PACS2: variants seen among roughly 807,000 people sequenced by gnomAD.
PACS2 encodes the protein phosphofurin acidic cluster sorting protein 2, also known as PACS1-like protein.
PACS2 carries 36 observed loss-of-function variants against 113.0 expected under a neutral mutation model. That is an observed-to-expected ratio of 0.32 (90% CI 0.24 to 0.42). The LOEUF is 0.42. Among genes scored for constraint, PACS2 ranks in the 10% least tolerant of loss-of-function variants. The pLI, the probability that PACS2 is intolerant of heterozygous loss-of-function variation, is 1.00. For synonymous variants in PACS2, 589 were observed against 536.1 expected (o/e 1.10, Z -1.36); for missense variants, 1,015 against 1,239.5 (o/e 0.82, Z 2.72).
chr14:105,394,467 C>T, intron 24 of PACS2, 87 bp from the exon 25 acceptor site: 1 of 1,585,374 alleles, frequency 6.3e-7, no homozygotes, highest in Non-Finnish European at 8.6e-7. Flanking sequence ...GCCCGGCTGC[C>T]ACCCAGCCTG....
chr14:105,338,310 C>G (rs1416220398), intron 1 of PACS2, among the ~76,000 whole-genome samples: 1 of 152,206 alleles, frequency 6.6e-6, no homozygotes, highest in African/African-American at 2.4e-5. Context: ...TCAGGTTTCT[C>G]TGACCTTCCT....
intron 7 of PACS2, among the ~76,000 whole-genome samples, chr14:105,368,992 C>T (rs1378701611): frequency 6.6e-6 from 1 of 152,244 alleles, no homozygotes; most frequent in Non-Finnish European, 1.5e-5. Flanking sequence ...GCAGCTCTTT[C>T]CTCAGAGGCC....
chr14:105,356,375 G>A lies in PACS2; in HGVS notation c.423+1198G>A, dbSNP rs2060447968. ...CCTCGCTTCTCCGTGCCGCCGCAGG[G>A]CCTCAGACAAGCTTTGCAGTCTTCC... On this transcript the variant is annotated intron_variant, in intron 4 of 24. Coordinates refer to ENST00000447393, the MANE Select transcript of PACS2 (RefSeq NM_001100913.3). The surrounding 1 kb of genome is among the most constrained non-coding windows in gnomAD (Gnocchi z 4.0). Among the ~76,000 whole-genome samples, 1 of 152,190 alleles carries A rather than the reference G, an allele frequency of 6.6e-6. No homozygotes were observed. Among genetic ancestry groups the A allele is most frequent in the South Asian group, 2.1e-4 (1 of 4,834 alleles).
chr14:105,344,934 C>G (rs587743137), intron 1 of PACS2, among the ~76,000 whole-genome samples: 5 of 151,730 alleles, frequency 3.3e-5, no homozygotes, highest in Non-Finnish European at 7.4e-5. Flanking sequence ...ATGGTGAAAT[C>G]GTGTCTCCAC....
chr14:105,302,558 G>A (rs1386224611), intron 1 of PACS2, among the ~76,000 whole-genome samples: 2 of 151,356 alleles, frequency 1.3e-5, no homozygotes, highest in African/African-American at 2.4e-5. Context: ...CACTTAATTT[G>A]GTTCAATGTG....
At position 105,329,082 on chromosome 14, in the gene PACS2, G is replaced by A. The variant is rs186741923; in HGVS notation, c.119+14045G>A. On this transcript the variant is annotated intron_variant, in intron 1 of 24. Transcript: ENST00000447393. The surrounding 1 kb of genome is among the most constrained non-coding windows in gnomAD (Gnocchi z 6.4). ...GTGCTGGGAGTGAGATTAGAGGGAG[G>A]ACTCCCTGGAGGCTGGCCCTGCGCC... Among the ~76,000 whole-genome samples, 75 of 152,328 alleles carry A rather than the reference G, an allele frequency of 4.9e-4. No homozygotes were observed. The highest frequency in any genetic ancestry group is 1.7e-3 in the African/African-American group (72 of 41,564).
chr14:105,351,546 G>T (rs782035804), intron 2 of PACS2, among the ~76,000 whole-genome samples: 1 of 152,140 alleles, frequency 6.6e-6, no homozygotes, highest in Non-Finnish European at 1.5e-5. Context: ...CTTCTTTTTA[G>T]AAAATGCTTT....
In PACS2 at chr14:105,357,046, G is replaced by A. The variant is rs1444496567; in HGVS notation, c.423+1869G>A. Among the ~76,000 whole-genome samples the A allele has an allele frequency of 6.6e-6, 1 of 152,152 alleles. No homozygotes were observed. The highest frequency in any genetic ancestry group is 1.5e-5 in the Non-Finnish European group (1 of 68,014). ...AGGTGATGTCCTGCTGATCCCTGCC[G>A]GTCCCTGTGAGCTCCTGCCCCAGGC... is the stretch of plus-strand genomic sequence containing the variant. On this transcript the variant is annotated intron_variant, in intron 4 of 24. Transcript: ENST00000447393. This position sits in a 1 kb window ranked among gnomAD's most constrained non-coding sequence, Gnocchi z 5.1.
rs2081548927 is a variant in PACS2 at position 105,397,040 on chromosome 14, A to T, written c.*2368A>T. 6.6e-6 allele frequency: 1 copy of T among 152,246 alleles called. No individual in the cohort carries two copies. Among genetic ancestry groups the T allele is most frequent in the Non-Finnish European group, 1.5e-5 (1 of 68,084 alleles). The allele number at this position is 152,246 out of a possible 1,614,324, so 9.4% of individuals were successfully genotyped here. ...AGGGGAGAACATGGGCAGAGTCTCC[A>T]TCCAGCAGCTGGGGGTTCTGGTGGC... On this transcript the variant is annotated 3_prime_UTR_variant, in exon 25 of 25. Transcript: ENST00000447393.
Position 105,367,388 on chromosome 14 carries a change from C to A in PACS2, c.586+13C>A, listed in dbSNP as rs1555408222. On this transcript the variant is annotated intron_variant, in intron 5 of 24. Transcript: ENST00000447393. The stretch of plus-strand genomic sequence containing the variant: ...GCCAAGTCCACGGGTGAGTGTGGTG[C>A]CAGCCCGCTCCTGCCCCTGCTGTGG... 6.2e-7 allele frequency: 1 copy of A among 1,609,740 alleles called. No homozygotes were observed. Among genetic ancestry groups the A allele is most frequent in the Admixed American group, 1.7e-5 (1 of 59,970 alleles).
In PACS2 at chr14:105,355,525, G is replaced by A. The variant is rs1373031471; in HGVS notation, c.423+348G>A. Among the ~76,000 whole-genome samples, 3 of 152,230 alleles carry A rather than the reference G, an allele frequency of 2.0e-5. No individual in the cohort carries two copies. The highest frequency in any genetic ancestry group is 4.4e-5 in the Non-Finnish European group (3 of 68,042). On this transcript the variant is annotated intron_variant, in intron 4 of 24. Coordinates refer to ENST00000447393, the MANE Select transcript of PACS2 (RefSeq NM_001100913.3). This position sits in a 1 kb window ranked among gnomAD's most constrained non-coding sequence, Gnocchi z 4.1. ...AATCGCTGCTGTCCCCACACCACGGGTGCGTCCTGTGATGGGTTCGTGTCT... is the reference window on the plus strand; with the variant it reads ...AATCGCTGCTGTCCCCACACCACGGATGCGTCCTGTGATGGGTTCGTGTCT...
At chr14:105,364,895 G>A (rs904868188) in intron 4 of PACS2, among the ~76,000 whole-genome samples, 2 of 151,860 alleles carry the variant, frequency 1.3e-5, no homozygotes, top group East Asian at 1.9e-4. Flanking sequence ...TAAGAGTTTC[G>A]CCATGTTGCC....
intron 1 of PACS2, among the ~76,000 whole-genome samples, chr14:105,332,201 C>A (rs774957143): frequency 1.6e-4 from 24 of 152,160 alleles, no homozygotes; most frequent in Non-Finnish European, 3.5e-4. Context: ...CAGTCACTGT[C>A]CTGTGCCTTG....
At chr14:105,345,446 A>T (rs1338963425) in intron 1 of PACS2, among the ~76,000 whole-genome samples, 1 of 152,196 alleles carries the variant, frequency 6.6e-6, no homozygotes, top group South Asian at 2.1e-4. Flanking sequence ...GTGTATTTGA[A>T]TCTTTTTTCT....
Position 105,354,258 on chromosome 14 carries a change from G to T in PACS2, c.298-794G>T, listed in dbSNP as rs183018137. On this transcript the variant is annotated intron_variant, in intron 3 of 24. Transcript: ENST00000447393. This position sits in a 1 kb window ranked among gnomAD's most constrained non-coding sequence, Gnocchi z 4.2. ...GAACCCAGGAGGTGGAGGTGACAGT[G>T]AGCCCGGCTAATTTTTGTATTTTTG... Among the ~76,000 whole-genome samples the T allele has an allele frequency of 5.0e-4, 76 of 152,244 alleles. No homozygotes were observed. The highest frequency in any genetic ancestry group is 1.7e-3 in the African/African-American group (71 of 41,560).
rs587629507 is a variant in PACS2, at chr14:105,324,644, C to G, written c.119+9607C>G. Among the ~76,000 whole-genome samples, 1 of 152,320 alleles carries G rather than the reference C, an allele frequency of 6.6e-6. No individual in the cohort carries two copies. Among genetic ancestry groups the G allele is most frequent in the Admixed American group, 6.5e-5 (1 of 15,310 alleles). The stretch of plus-strand genomic sequence containing the variant: ...AGCAGGGTTGTGAGAGTGATGAGAG[C>G]GTGGCTGCTGGTCATGGTGCTGGGG... On this transcript the variant is annotated intron_variant, in intron 1 of 24. Transcript: ENST00000447393. This position sits in a 1 kb window ranked among gnomAD's most constrained non-coding sequence, Gnocchi z 4.7.
At chr14:105,305,527 G>A (rs192069864) in intron 1 of PACS2, among the ~76,000 whole-genome samples, 50 of 152,314 alleles carry the variant, frequency 3.3e-4, no homozygotes, top group East Asian at 1.9e-4. Context: ...CACCAGACAC[G>A]GCATCTGCCA....
Position 105,376,745 on chromosome 14 carries a change from AC to A in PACS2, c.802-22del, listed in dbSNP as rs1715622002. ...CAATGTGGGCTGCTGCAGGGAACTC[AC>A]GCGTGCCTGGCACCCGTGCAGGTCC... On this transcript the variant is annotated intron_variant, in intron 8 of 24. Transcript: ENST00000447393. This position sits in a 1 kb window ranked among gnomAD's most constrained non-coding sequence, Gnocchi z 4.7. 1 of 1,609,064 alleles carries A rather than the reference AC, an allele frequency of 6.2e-7. No homozygotes were observed. Among genetic ancestry groups the A allele is most frequent in the Non-Finnish European group, 8.5e-7 (1 of 1,177,458 alleles).
At chr14:105,319,767 AG>A (rs764281661) in intron 1 of PACS2, among the ~76,000 whole-genome samples, 1 of 152,188 alleles carries the variant, frequency 6.6e-6, no homozygotes, top group Non-Finnish European at 1.5e-5. Flanking sequence ...GAAGGTTTCC[AG>A]TGTTTTACCT....
Sources: gnomAD v4.1 joint callset for allele counts (sites outside exome capture counted in the v4.1 genomes callset) on GRCh38, gnomAD v4.1.1 for gene constraint, Gnocchi (gnomAD v3.1) non-coding constraint, MANE v1.5 for transcripts, NCBI Gene and HGNC (gene_info 2026-07-23, HGNC 2026-07-21) for gene names.